CCDC7: variants seen among roughly 807,000 people sequenced by gnomAD.
The protein encoded by CCDC7 is coiled-coil domain-containing protein 7.
In CCDC7, 183 loss-of-function variants were observed where a neutral mutation model predicts 196.9. That is an observed-to-expected ratio of 0.93 (90% CI 0.82 to 1.05). The LOEUF is 1.05. Among genes scored for constraint, CCDC7 ranks in the 50% least tolerant of loss-of-function variants. The pLI, the probability that CCDC7 is intolerant of heterozygous loss-of-function variation, is 0.00. For missense variants in CCDC7, 1,540 were observed against 1,482.2 expected (o/e 1.04, Z -0.64); for synonymous variants, 525 against 484.6 (o/e 1.08, Z -1.10).
At chr10:32,614,240 TTTTTC>T (rs965516197) in intron 18 of CCDC7, among the ~76,000 whole-genome samples, 3 of 150,834 alleles carry the variant, frequency 2.0e-5, no homozygotes, top group African/African-American at 7.5e-5. Flanking sequence ...CCTGGTTTTT[TTTTTC>T]TTTTCTTTTT....
At chr10:32,634,261 T>G in exon 19 of CCDC7, 1 of 1,198,998 alleles carries the variant, frequency 8.3e-7, no homozygotes, top group Non-Finnish European at 1.0e-6. Context: ...TAGCTGACAG[T>G]GAAGTTCCAG....
At chr10:32,812,183 C>G (rs2087302048) in intron 30 of CCDC7, among the ~76,000 whole-genome samples, 1 of 151,792 alleles carries the variant, frequency 6.6e-6, no homozygotes, top group African/African-American at 2.4e-5. Flanking sequence ...TACATATAAC[C>G]AAATATCACA....
intron 20 of CCDC7, among the ~76,000 whole-genome samples, chr10:32,641,199 G>A (rs1022860655): frequency 6.6e-6 from 1 of 152,128 alleles, no homozygotes; most frequent in Non-Finnish European, 1.5e-5. Context: ...ATGTTGGCCT[G>A]CCTTGCTAGA....
At chr10:32,486,081 A>T (rs1431793725) in intron 8 of CCDC7, among the ~76,000 whole-genome samples, 2 of 152,138 alleles carry the variant, frequency 1.3e-5, no homozygotes. Flanking sequence ...TGATCTGTCT[A>T]ATGTTGACAG....
chr10:32,450,608 G>C (rs1367618698), upstream of CCDC7, among the ~76,000 whole-genome samples: 1 of 152,102 alleles, frequency 6.6e-6, no homozygotes, highest in African/African-American at 2.4e-5. Flanking sequence ...ATTGTCCTGA[G>C]TCTTAGCTTT....
chr10:32,556,636 T>A (rs1014049795), intron 13 of CCDC7, among the ~76,000 whole-genome samples: 4 of 152,222 alleles, frequency 2.6e-5, no homozygotes, highest in African/African-American at 9.6e-5. Context: ...GTATGAGATA[T>A]GTCTTCCATT....
At chr10:32,793,594 A>G (rs2083068951) in intron 29 of CCDC7, among the ~76,000 whole-genome samples, 1 of 152,220 alleles carries the variant, frequency 6.6e-6, no homozygotes, top group Non-Finnish European at 1.5e-5. Flanking sequence ...GCTGTATCCC[A>G]TACATTTGGT....
At position 32,585,857 on chromosome 10, in the gene CCDC7, TA is replaced by T. The variant is rs557085366; in HGVS notation, c.1801+1557del. ...CATACATGTGCATGTGTCTTTATAG[TA>T]AAATGATTTAGAATGCTTTGGGTAT... On this transcript the variant is annotated intron_variant, in intron 18 of 41. Coordinates refer to ENST00000639629, the Ensembl canonical transcript of CCDC7. 7.9e-3 allele frequency among the ~76,000 whole-genome samples: 1,203 copies of T among 152,280 alleles called. 7 individuals are homozygous for T. Among genetic ancestry groups the T allele is most frequent in the Middle Eastern group, 0.02 (6 of 294 alleles).
At chr10:32,820,990 T>G (rs1180082198) in intron 31 of CCDC7, among the ~76,000 whole-genome samples, 2 of 152,058 alleles carry the variant, frequency 1.3e-5, no homozygotes, top group African/African-American at 2.4e-5. Flanking sequence ...CTGAAGAGCT[T>G]CTGCACAGCA....
chr10:32,751,233 G>A (rs1330574203), intron 28 of CCDC7, among the ~76,000 whole-genome samples: 1 of 151,576 alleles, frequency 6.6e-6, no homozygotes, highest in Non-Finnish European at 1.5e-5. Flanking sequence ...TTTGAGCAAG[G>A]GAGTATTTAA....
chr10:32,875,689 T>C (rs747611327), intron 41 of CCDC7, among the ~76,000 whole-genome samples: 4 of 152,034 alleles, frequency 2.6e-5, no homozygotes, highest in Non-Finnish European at 4.4e-5. Context: ...TAACAAACAA[T>C]GTTGCAACAA....
At chr10:32,477,238 C>G (rs2039144452) in intron 8 of CCDC7, among the ~76,000 whole-genome samples, 2 of 149,402 alleles carry the variant, frequency 1.3e-5, no homozygotes, top group Non-Finnish European at 3.0e-5. Flanking sequence ...GAGATGGAGT[C>G]TCGCTCTGTC....
chr10:32,805,809 G>A (rs2135177044), intron 30 of CCDC7, among the ~76,000 whole-genome samples: 1 of 152,288 alleles, frequency 6.6e-6, no homozygotes, highest in Middle Eastern at 3.4e-3. Context: ...GATGTATTGA[G>A]CCATTCTTGC....
chr10:32,841,874 C>T (rs994559115), intron 33 of CCDC7, among the ~76,000 whole-genome samples: 3 of 151,934 alleles, frequency 2.0e-5, no homozygotes, highest in Non-Finnish European at 2.9e-5. Context: ...CCGTATTCAA[C>T]GAATGTTGCT....
intron 9 of CCDC7, among the ~76,000 whole-genome samples, chr10:32,515,112 C>G (rs1445897645): frequency 6.6e-6 from 1 of 152,160 alleles, no homozygotes; most frequent in Non-Finnish European, 1.5e-5. Context: ...AGGTGTGAGC[C>G]ACCACACCTG....
intron 29 of CCDC7, among the ~76,000 whole-genome samples, chr10:32,796,716 T>C (rs192117156): frequency 3.5e-4 from 54 of 152,268 alleles, no homozygotes; most frequent in Non-Finnish European, 5.7e-4. Context: ...GAGATATCTA[T>C]TTCCCAGAAT....
At chr10:32,610,473 C>T (rs1464634908) in intron 18 of CCDC7, among the ~76,000 whole-genome samples, 18 of 151,940 alleles carry the variant, frequency 1.2e-4, no homozygotes, top group Admixed American at 1.2e-3. Context: ...GCAGAATGTG[C>T]AGGTTTGTTA....
At chr10:32,819,504 C>T (rs1262125928) in intron 31 of CCDC7, among the ~76,000 whole-genome samples, 3 of 152,012 alleles carry the variant, frequency 2.0e-5, no homozygotes, top group African/African-American at 7.2e-5. Flanking sequence ...CTGACAGAGA[C>T]ACAACAAAAA....
intron 33 of CCDC7, among the ~76,000 whole-genome samples, chr10:32,838,713 A>G (rs2092784291): frequency 6.6e-6 from 1 of 152,058 alleles, no homozygotes; most frequent in Admixed American, 6.6e-5. Flanking sequence ...TAAAGTAAAG[A>G]ATCTTAAGAG....
Sources: gnomAD v4.1 joint callset for allele counts (sites outside exome capture counted in the v4.1 genomes callset) on GRCh38, gnomAD v4.1.1 for gene constraint, MANE v1.5 for transcripts, NCBI Gene and HGNC (gene_info 2026-07-23, HGNC 2026-07-21) for gene names.